The following PDCD2 variants were observed in gnomAD, a reference collection of about 807,000 sequenced individuals.
The protein encoded by PDCD2 is uS5 assembly chaperone PDCD2.
A neutral mutation model predicts 38.1 loss-of-function variants in PDCD2; 38 were observed. That is an observed-to-expected ratio of 1.00 (90% CI 0.77 to 1.31). The LOEUF (loss-of-function observed/expected upper bound fraction) is 1.31. Among genes scored for constraint, PDCD2 ranks in the 50% most tolerant of loss-of-function variants. The pLI is 0.00. For missense variants in PDCD2, 473 were observed against 435.7 expected, an observed-to-expected ratio of 1.09 and a Z score of -0.76; for synonymous variants, 205 against 168.9, an observed-to-expected ratio of 1.21 and a Z score of -1.66.
intron 2 of PDCD2, 80 bp from the exon 3 acceptor site, chr6:170,583,268 T>C: frequency 2.8e-6 from 3 of 1,061,668 alleles, no homozygotes; most frequent in South Asian, 3.1e-5. Flanking sequence ...TAAAGTACTA[T>C]ATTCCCTATA....
chr6:170,583,472 A>G (rs748262986), intron 2 of PDCD2, 33 bp downstream of exon 2: 2 of 1,586,996 alleles, frequency 1.3e-6, no homozygotes, highest in Non-Finnish European at 1.7e-6. Context: ...AGGCGATGAA[A>G]CTGAACTGAG....
intron 3 of PDCD2, 67 bp from the exon 4 acceptor site, chr6:170,580,172 G>T (rs1779555571): frequency 1.1e-6 from 1 of 884,462 alleles, no homozygotes; most frequent in Non-Finnish European, 1.8e-6. Flanking sequence ...TTCACACATG[G>T]AGAGGGGACC....
At position 170,578,602 on chromosome 6, in the gene PDCD2, G is replaced by A. The variant is rs78106167; in HGVS notation, c.876+255C>T. On this transcript the variant is annotated intron_variant, in intron 5 of 5. Coordinates refer to ENST00000541970, the MANE Select transcript of PDCD2 (RefSeq NM_002598.4). Reference sequence around the variant, plus strand: ...GACATAACCACACTGGAGGTGGAGAGCAGTGTAGATATCCTCATTGTCACA... The same window carrying A: ...GACATAACCACACTGGAGGTGGAGAACAGTGTAGATATCCTCATTGTCACA... 860 of 702,958 alleles carry A rather than the reference G, an allele frequency of 1.2e-3. 9 individuals are homozygous for A. The East Asian group carries it at 0.019, about 16-fold the overall frequency. 43.5% of individuals were successfully genotyped at this position (702,958 alleles called of 1,614,324 possible).
chr6:170,576,704 A>G lies in PDCD2; in HGVS notation c.*855T>C, dbSNP rs10946282. 9,960 of 152,300 alleles carry G rather than the reference A, an allele frequency of 0.065. 418 individuals are homozygous for G. Among genetic ancestry groups the G allele is most frequent in the African/African-American group, 0.11 (4,550 of 41,538 alleles). The allele number at this position is 152,300 out of a possible 1,614,324, so 9.4% of individuals were successfully genotyped here. A position where few individuals can be genotyped will look rare whatever the true frequency, so the allele number is the denominator to read the frequency against. On this transcript the variant is annotated 3_prime_UTR_variant, in exon 6 of 6. Coordinates refer to ENST00000541970, the MANE Select transcript of PDCD2 (RefSeq NM_002598.4). ...CTGCTGCCTCCTAGGCCAGACCCTT[A>G]TTTTGGCTTACATTCCATAACCCTT...
At chr6:170,580,196 A>C in intron 3 of PDCD2, 91 bp from the exon 4 acceptor site, 1 of 702,254 alleles carries the variant, frequency 1.4e-6, no homozygotes, top group Non-Finnish European at 2.5e-6. Context: ...TTTTAATCAG[A>C]TAGCTTTCCC....
At chr6:170,582,835 T>C in intron 3 of PDCD2, 2 of 1,348,214 alleles carry the variant, frequency 1.5e-6, no homozygotes, top group Non-Finnish European at 1.9e-6. Flanking sequence ...TGGGACCATC[T>C]GGATACCCAC....
chr6:170,577,678 G>C lies in PDCD2; in HGVS notation c.916C>G (p.Leu306Val), dbSNP rs977638677. ...QLLNYLKADR[L>V]GKSIDWGILA... Reference sequence around the variant, plus strand: ...ATGCCCCAGTCAATGCTCTTGCCCAGTCTGTCAGCCTTCAGGTAGTTTAGG... The same window carrying C: ...ATGCCCCAGTCAATGCTCTTGCCCACTCTGTCAGCCTTCAGGTAGTTTAGG... Residue 306 changes from leucine (L) to valine (V), a missense_variant, in exon 6 of 6, where the codon CTG (leucine) becomes GTG (valine). Physicochemically the swap from Leu to Val is conservative, Grantham distance 32 (BLOSUM62 1). Coordinates refer to ENST00000541970, the MANE Select transcript of PDCD2 (RefSeq NM_002598.4). 6.2e-7 allele frequency: 1 copy of C among 1,613,390 alleles called. No homozygotes were observed. The highest frequency in any genetic ancestry group is 1.3e-5 in the African/African-American group (1 of 75,022).
At position 170,584,450 on chromosome 6, in the gene PDCD2, C is replaced by G. The variant is rs989284508; in HGVS notation, c.132G>C (p.Pro44=). Residue 44 remains proline (P), a synonymous_variant, in exon 1 of 6, where the codon CCG becomes CCC. Coordinates refer to ENST00000541970, the MANE Select transcript of PDCD2 (RefSeq NM_002598.4). Reference sequence around the variant, plus strand: ...GCTCGCAGGCCAGGGCCTGGGGCCCCGGCAGCCCGGCCGCGCCCAGCCATG... The same window carrying G: ...GCTCGCAGGCCAGGGCCTGGGGCCCGGGCAGCCCGGCCGCGCCCAGCCATG... The part of the protein sequence containing the change: ...RPAWLGAAGL[P]GPQALACELC... 11 of 1,313,740 alleles carry G rather than the reference C, an allele frequency of 8.4e-6. No individual in the cohort carries two copies. In the East Asian group the frequency reaches 1.2e-4, roughly 15 times the overall value. 81.4% of individuals were successfully genotyped at this position (1,313,740 alleles called of 1,614,324 possible).
At chr6:170,582,432 A>G (rs1385971476) in intron 3 of PDCD2, 13 of 1,444,606 alleles carry the variant, frequency 9.0e-6, no homozygotes, top group South Asian at 8.7e-5. Flanking sequence ...GTAAAATTTA[A>G]TATTATGTGA....
chr6:170,577,768 C>G, intron 5 of PDCD2, 51 bp from the exon 6 acceptor site: 2 of 1,577,408 alleles, frequency 1.3e-6, no homozygotes, highest in Non-Finnish European at 8.7e-7. Flanking sequence ...GCAGGGAGCA[C>G]GAGACCTTCT....
At position 170,577,535 on chromosome 6, in the gene PDCD2, A is replaced by G; in HGVS notation, c.*24T>C. 6.3e-7 allele frequency: 1 copy of G among 1,599,846 alleles called. No homozygotes were observed. Among genetic ancestry groups the G allele is most frequent in the Middle Eastern group, 1.7e-4 (1 of 5,932 alleles). On this transcript the variant is annotated 3_prime_UTR_variant, in exon 6 of 6. Coordinates refer to ENST00000541970, the MANE Select transcript of PDCD2 (RefSeq NM_002598.4). ...TTGCAAGGTATAAAAGATTATTAAC[A>G]TTTTTCAAGGCTTTAAGATGCCTTT...
In PDCD2 at chr6:170,582,548, GCC is replaced by G. The variant is rs1229404287; in HGVS notation, c.658+507_658+508del. On this transcript the variant is annotated intron_variant, in intron 3 of 5. Coordinates refer to ENST00000541970, the MANE Select transcript of PDCD2 (RefSeq NM_002598.4). ...ATTTTAATGAGCTCATGCACAAACA[GCC>G]CTTTATATAAGGTAAGTGCTGGATA... The G allele has an allele frequency of 7.5e-6, 10 of 1,339,798 alleles. No homozygotes were observed. In the African/African-American group the frequency reaches 1.5e-4, roughly 20 times the overall value. The allele number at this position is 1,339,798 out of a possible 1,614,324, so 83.0% of individuals were successfully genotyped here. A position where few individuals can be genotyped will look rare whatever the true frequency, so the allele number is the denominator to read the frequency against.
At position 170,583,172 on chromosome 6, in the gene PDCD2, T is replaced by C; in HGVS notation, c.543A>G (p.Ile181Met). 6.2e-7 allele frequency: 1 copy of C among 1,607,350 alleles called. No individual in the cohort carries two copies. The highest frequency in any genetic ancestry group is 8.5e-7 in the Non-Finnish European group (1 of 1,175,072). Residue 181 changes from isoleucine (I) to methionine (M), a missense_variant, in exon 3 of 6, where the codon ATA becomes ATG. Ile to Met is a conservative substitution (Grantham distance 10). Transcript: ENST00000541970. ...ACAQPDHLDH[I>M]IPDHNFLFPE... The stretch of plus-strand genomic sequence containing the variant: ...GAAAAAGGAAGTTGTGGTCTGGAAT[T>C]ATATGGTCCAGATGATCTGAAACAA...
At chr6:170,583,387 C>A (rs1260207054) in intron 2 of PDCD2, 118 bp downstream of exon 2, 2 of 1,146,342 alleles carry the variant, frequency 1.7e-6, no homozygotes. Context: ...GTGTTCCAGG[C>A]ATGAAAAATT....
intron 3 of PDCD2, chr6:170,582,841 C>G: frequency 7.4e-7 from 1 of 1,350,772 alleles, no homozygotes; most frequent in South Asian, 2.0e-5. Flanking sequence ...CATCTGGATA[C>G]CCACCCTTGT....
chr6:170,577,443 T>C lies in PDCD2; in HGVS notation c.*116A>G, dbSNP rs8770. On this transcript the variant is annotated 3_prime_UTR_variant, in exon 6 of 6. Transcript: ENST00000541970. ...ATAAGTAGACACTGTGTAAGCAATC[T>C]GTCAACATCTCTGCACCTCTATTTT... is the stretch of plus-strand genomic sequence containing the variant. 438,756 of 839,244 alleles carry C rather than the reference T, an allele frequency of 0.52. 116,673 individuals are homozygous for C. Among genetic ancestry groups the C allele is most frequent in the East Asian group, 0.79 (29,409 of 37,158 alleles). The allele number at this position is 839,244 out of a possible 1,614,324, so 52.0% of individuals were successfully genotyped here.
At position 170,583,381 on chromosome 6, in the gene PDCD2, T is replaced by G. The variant is rs915897509; in HGVS notation, c.526+124A>C. ...CTTTTTTTTTTTTTTACAAAGGTGT[T>G]CCAGGCATGAAAAATTTTAAAGTAC... On this transcript the variant is annotated intron_variant, in intron 2 of 5. Coordinates refer to ENST00000541970, the MANE Select transcript of PDCD2 (RefSeq NM_002598.4). The G allele has an allele frequency of 5.3e-6, 6 of 1,125,668 alleles. No homozygotes were observed. In the African/African-American group the frequency reaches 6.5e-5, roughly 12 times the overall value. The allele number at this position is 1,125,668 out of a possible 1,614,324, so 69.7% of individuals were successfully genotyped here.
At position 170,576,104 on chromosome 6, in the gene PDCD2, A is replaced by T. The variant is rs1779445952; in HGVS notation, c.*1455T>A. 1 of 152,146 alleles carries T rather than the reference A, an allele frequency of 6.6e-6. No homozygotes were observed. Among genetic ancestry groups the T allele is most frequent in the South Asian group, 2.1e-4 (1 of 4,826 alleles). The allele number at this position is 152,146 out of a possible 1,614,324, so 9.4% of individuals were successfully genotyped here. A position where few individuals can be genotyped will look rare whatever the true frequency, so the allele number is the denominator to read the frequency against. On this transcript the variant is annotated 3_prime_UTR_variant, in exon 6 of 6. Transcript: ENST00000541970. ...GGCTGTGACACCATAGTTATAGGTG[A>T]TTTTCATAGATTTAGCCATCCCAGG...
chr6:170,581,798 C>T (rs1309699000), intron 3 of PDCD2: 7 of 189,818 alleles, frequency 3.7e-5, no homozygotes, highest in Non-Finnish European at 5.5e-5. Context: ...TCTTTTCATT[C>T]TCAGGGCATA....
Sources: allele counts gnomAD v4.1 joint callset, GRCh38; gene constraint gnomAD v4.1.1; transcripts MANE v1.5; gene names NCBI Gene and HGNC (gene_info 2026-07-23, HGNC 2026-07-21).